Variants in CFAP95 observed in about 807,000 individuals in gnomAD.
The protein encoded by CFAP95 is cilia- and flagella-associated protein 95.
At chr9:69,856,582 T>C in the CFAP95 span, 1 of 1,609,736 alleles carries the variant, frequency 6.2e-7, no homozygotes, top group South Asian at 1.1e-5. Context: ...ACATGAAAAG[T>C]TGTCACAAAT....
chr9:69,852,713 C>T, the CFAP95 span, among the ~76,000 whole-genome samples: 1 of 152,158 alleles, frequency 6.6e-6, no homozygotes, highest in Non-Finnish European at 1.5e-5. Flanking sequence ...TATGGTTTTG[C>T]TCTGTGTCCC....
chr9:69,888,079 T>G, the CFAP95 span, among the ~76,000 whole-genome samples: 5 of 152,204 alleles, frequency 3.3e-5, no homozygotes, highest in African/African-American at 1.2e-4. Flanking sequence ...TTTAGGGAAC[T>G]GGAAAACTAA....
At chr9:69,848,005 A>G in the CFAP95 span, among the ~76,000 whole-genome samples, 2 of 152,178 alleles carry the variant, frequency 1.3e-5, no homozygotes, top group African/African-American at 2.4e-5. Context: ...ATAGGCTCCC[A>G]CTCACATGAG....
the CFAP95 span, chr9:69,857,996 GCTA>G: frequency 1.9e-6 from 3 of 1,606,178 alleles, no homozygotes; most frequent in Non-Finnish European, 2.6e-6. Flanking sequence ...TCCCTAAACT[GCTA>G]CAACTGTACA....
chr9:69,876,113 T>C, the CFAP95 span, among the ~76,000 whole-genome samples: 1 of 152,242 alleles, frequency 6.6e-6, no homozygotes, highest in African/African-American at 2.4e-5. Flanking sequence ...TAGTTTTGCT[T>C]GAACATATTT....
At chr9:69,843,095 A>AT in the CFAP95 span, among the ~76,000 whole-genome samples, 6 of 152,050 alleles carry the variant, frequency 3.9e-5, no homozygotes, top group Non-Finnish European at 8.8e-5. Context: ...GATTTTTCTT[A>AT]TTTTTGTGTC....
chr9:69,832,053 A>G, the CFAP95 span, among the ~76,000 whole-genome samples: 1 of 152,238 alleles, frequency 6.6e-6, no homozygotes, highest in Non-Finnish European at 1.5e-5. Context: ...GGCCATTTAT[A>G]ACAAGGGTGT....
At chr9:69,857,707 T>C in the CFAP95 span, among the ~76,000 whole-genome samples, 1 of 152,150 alleles carries the variant, frequency 6.6e-6, no homozygotes, top group Non-Finnish European at 1.5e-5. Flanking sequence ...TTTGTATTTT[T>C]AGTAGAGACT....
At chr9:69,832,693 AC>A in the CFAP95 span, among the ~76,000 whole-genome samples, 2 of 77,952 alleles carry the variant, frequency 2.6e-5, no homozygotes, top group Admixed American at 1.7e-4. Context: ...TTAGGCCTAA[AC>A]TTTTTTTTTT....
chr9:69,892,995 T>C, the CFAP95 span, among the ~76,000 whole-genome samples: 2 of 152,226 alleles, frequency 1.3e-5, no homozygotes, highest in East Asian at 1.9e-4. Context: ...TCAATTTGTT[T>C]GTGTGATCTG....
the CFAP95 span, among the ~76,000 whole-genome samples, chr9:69,895,335 G>GTCTCTCTCTCTC: frequency 2.0e-4 from 24 of 121,268 alleles, no homozygotes; most frequent in South Asian, 6.4e-4. Flanking sequence ...CTTAAAATCA[G>GTCTCTCTCTCTC]TCTCTCTCTC....
chr9:69,845,628 CAG>C, the CFAP95 span, among the ~76,000 whole-genome samples: 1,238 of 152,228 alleles, frequency 8.1e-3, 16 homozygotes, highest in African/African-American at 0.027. Flanking sequence ...TTGCAGTGGA[CAG>C]AGAGTAATAA....
chr9:69,841,057 A>G, the CFAP95 span, among the ~76,000 whole-genome samples: 1 of 151,060 alleles, frequency 6.6e-6, no homozygotes, highest in Non-Finnish European at 1.5e-5. Context: ...ACTGACTTTC[A>G]CAGACCATAA....
chr9:69,872,085 T>A, the CFAP95 span, among the ~76,000 whole-genome samples: 1 of 152,188 alleles, frequency 6.6e-6, no homozygotes, highest in Admixed American at 6.5e-5. Context: ...TCCAAAAGTT[T>A]TTCATCCAGT....
chr9:69,866,244 A>G, the CFAP95 span, among the ~76,000 whole-genome samples: 4 of 152,200 alleles, frequency 2.6e-5, no homozygotes, highest in East Asian at 1.9e-4. Flanking sequence ...TATGATATGT[A>G]TGAGGAGATT....
chr9:69,880,821 G>C, the CFAP95 span, among the ~76,000 whole-genome samples: 2 of 152,126 alleles, frequency 1.3e-5, no homozygotes, highest in African/African-American at 4.8e-5. Context: ...ACCAGCATTT[G>C]TTATTGCCTG....
chr9:69,904,903 G>T, the CFAP95 span, among the ~76,000 whole-genome samples: 1 of 152,180 alleles, frequency 6.6e-6, no homozygotes, highest in African/African-American at 2.4e-5. Context: ...TTTTGTTAGG[G>T]TTCTGGAGGG....
At chr9:69,822,701 A>G in the CFAP95 span, among the ~76,000 whole-genome samples, 2 of 152,232 alleles carry the variant, frequency 1.3e-5, no homozygotes, top group African/African-American at 4.8e-5. Context: ...AGTTACAGAC[A>G]TCAATAGCAA....
At chr9:69,843,555 CTCCTTCTTCTTCTTCTTCT>C in the CFAP95 span, among the ~76,000 whole-genome samples, 5 of 26,030 alleles carry the variant, frequency 1.9e-4, 1 homozygote, top group Non-Finnish European at 4.0e-4. Flanking sequence ...CCTCCTCCTC[CTCCTTCTTCTTCTTCTTCT>C]TCTTCTTCTT....
Sources: gnomAD v4.1 joint callset for allele counts (sites outside exome capture counted in the v4.1 genomes callset) on GRCh38, gnomAD v4.1.1 for gene constraint, MANE v1.5 for transcripts, NCBI Gene and HGNC (gene_info 2026-07-23, HGNC 2026-07-21) for gene names.